Variants in TENM1 observed in about 807,000 individuals in gnomAD.
TENM1 encodes teneurin transmembrane protein 1.
Under a neutral mutation model 174.8 loss-of-function variants are expected in TENM1, and 35 were observed. The ratio of observed to expected loss-of-function variants is 0.20; its 90% confidence interval spans 0.15 to 0.27. The LOEUF (loss-of-function observed/expected upper bound fraction) is 0.27, where lower values mean the gene tolerates loss of function less well. Ranked by LOEUF, TENM1 falls within the 10% of genes least tolerant of loss-of-function variation. The pLI, the probability that TENM1 is intolerant of heterozygous loss-of-function variation, is 1.00. For missense variants in TENM1, 1,633 were observed against 2,130.1 expected (o/e 0.77, Z 4.59); for synonymous variants, 781 against 798.7 (o/e 0.98, Z 0.37).
chrX:124,504,658 G>A (rs190672740), intron 18 of TENM1, among the ~76,000 whole-genome samples: 90 of 111,483 alleles, frequency 8.1e-4, no homozygotes, highest in African/African-American at 2.9e-3. Flanking sequence ...AATAGCCCCT[G>A]TTGGTCTGTG....
chrX:125,193,768 T>C, the TENM1 span, among the ~76,000 whole-genome samples: 2 of 110,711 alleles, frequency 1.8e-5, no homozygotes, highest in Non-Finnish European at 3.8e-5. Flanking sequence ...TCTCTAATTC[T>C]AGACTTTATC....
the TENM1 span, among the ~76,000 whole-genome samples, chrX:125,063,268 G>A: frequency 3.3e-4 from 37 of 111,677 alleles, no homozygotes; most frequent in African/African-American, 1.0e-3. Context: ...AAGAAACTAC[G>A]TATGGACTTC....
intron 23 of TENM1, among the ~76,000 whole-genome samples, chrX:124,433,611 C>A (rs1232339613): frequency 2.7e-5 from 3 of 111,438 alleles, no homozygotes; most frequent in African/African-American, 6.5e-5. Flanking sequence ...ATTAAGCTGG[C>A]AAACGTTTGT....
chrX:125,160,461 C>T, the TENM1 span, among the ~76,000 whole-genome samples: 1 of 94,817 alleles, frequency 1.1e-5, no homozygotes, highest in Non-Finnish European at 2.0e-5. Flanking sequence ...AGGAGAATTG[C>T]TTGAACCCGG....
At chrX:124,776,413 G>A (rs2148630651) in intron 3 of TENM1, among the ~76,000 whole-genome samples, 1 of 112,104 alleles carries the variant, frequency 8.9e-6, no homozygotes, top group African/African-American at 3.2e-5. Flanking sequence ...ATAATTACAT[G>A]TAAATGAAGG....
chrX:124,741,524 C>A (rs1358625717), intron 3 of TENM1, among the ~76,000 whole-genome samples: 1 of 111,293 alleles, frequency 9.0e-6, no homozygotes, highest in Admixed American at 9.6e-5. Context: ...GAAACATAAT[C>A]AATGACGCAT....
chrX:124,978,681 A>T, the TENM1 span, among the ~76,000 whole-genome samples: 2 of 111,752 alleles, frequency 1.8e-5, no homozygotes, highest in South Asian at 7.5e-4. Context: ...TGGCTGGTCA[A>T]TGATTGCGCA....
Position 124,871,997 on chromosome X carries a change from A to C in TENM1, c.535+22299T>G, listed in dbSNP as rs769231416. On this transcript the variant is annotated intron_variant, in intron 3 of 31. Transcript: ENST00000422452. Reference sequence around the variant, plus strand: ...CAGTGAGCAGAGATCGTGCCACTGCACTCCAGCCTGGCGACAGAGCGAGAC... The same window carrying C: ...CAGTGAGCAGAGATCGTGCCACTGCCCTCCAGCCTGGCGACAGAGCGAGAC... Among the ~76,000 whole-genome samples, 143 of 100,941 alleles carry C rather than the reference A, an allele frequency of 1.4e-3. 1 individual carries two copies. Among genetic ancestry groups the C allele is most frequent in the African/African-American group, 4.9e-3 (131 of 26,495 alleles). The allele number at this position is 100,941 out of a possible 115,157, so 87.7% of individuals were successfully genotyped here. A position where few individuals can be genotyped will look rare whatever the true frequency, so the allele number is the denominator to read the frequency against.
chrX:124,655,014 T>C (rs2051404981), intron 6 of TENM1, among the ~76,000 whole-genome samples: 1 of 112,128 alleles, frequency 8.9e-6, no homozygotes, highest in African/African-American at 3.2e-5. Context: ...TCTCAAACTT[T>C]AATGCGTACA....
chrX:124,698,777 A>G (rs976873534), intron 5 of TENM1, among the ~76,000 whole-genome samples: 17 of 111,191 alleles, frequency 1.5e-4, no homozygotes, highest in Non-Finnish European at 3.2e-4. Flanking sequence ...TTCCCCAGGT[A>G]TTGCAATATA....
intron 28 of TENM1, among the ~76,000 whole-genome samples, chrX:124,386,748 G>T (rs6649212): frequency 0.44 from 48,089 of 108,328 alleles, 7,981 homozygotes; most frequent in African/African-American, 0.52. Flanking sequence ...AGGGTCTCAC[G>T]GTGTTGCCCA....
chrX:124,641,079 C>T (rs772091046), intron 11 of TENM1, among the ~76,000 whole-genome samples: 131 of 108,167 alleles, frequency 1.2e-3, no homozygotes, highest in Non-Finnish European at 1.9e-3. Context: ...GGTGGAAGTA[C>T]AATAGCATCT....
the TENM1 span, among the ~76,000 whole-genome samples, chrX:125,000,285 T>C: frequency 9.0e-6 from 1 of 111,586 alleles, no homozygotes; most frequent in East Asian, 2.8e-4. Context: ...TTCAGGATTA[T>C]GGTTTTAATA....
chrX:124,597,529 G>T (rs2049924633), intron 11 of TENM1, among the ~76,000 whole-genome samples: 1 of 110,743 alleles, frequency 9.0e-6, no homozygotes, highest in Admixed American at 9.7e-5. Flanking sequence ...GGGGAAGGGT[G>T]GGAGAGGGAT....
At chrX:124,387,884 ACCT>A (rs1475631070) in intron 28 of TENM1, among the ~76,000 whole-genome samples, 1 of 111,382 alleles carries the variant, frequency 9.0e-6, no homozygotes. Context: ...ACCTCTGAAA[ACCT>A]CCTGAACAAA....
chrX:124,856,261 G>A (rs1438944156), intron 3 of TENM1, among the ~76,000 whole-genome samples: 1 of 110,051 alleles, frequency 9.1e-6, no homozygotes, highest in Non-Finnish European at 1.9e-5. Flanking sequence ...TACTTCCTTG[G>A]GACTTGTCAT....
At chrX:125,192,967 T>G in the TENM1 span, among the ~76,000 whole-genome samples, 1 of 111,638 alleles carries the variant, frequency 9.0e-6, no homozygotes, top group Middle Eastern at 4.7e-3. Context: ...AAGGTTGAGG[T>G]TTTTTTCAGT....
At chrX:124,985,222 G>A in the TENM1 span, among the ~76,000 whole-genome samples, 1 of 112,190 alleles carries the variant, frequency 8.9e-6, no homozygotes, top group Non-Finnish European at 1.9e-5. Context: ...TTCAAAGAAA[G>A]ACTATAATCC....
At chrX:124,410,354 T>C (rs986774819) in intron 25 of TENM1, among the ~76,000 whole-genome samples, 5 of 112,102 alleles carry the variant, frequency 4.5e-5, no homozygotes, top group African/African-American at 1.6e-4. Flanking sequence ...CCTTACATCT[T>C]ACACAAAAAC....
Sources: allele counts gnomAD v4.1 joint callset (sites outside exome capture counted in the v4.1 genomes callset), GRCh38; gene constraint gnomAD v4.1.1; transcripts MANE v1.5; gene names NCBI Gene and HGNC (gene_info 2026-07-23, HGNC 2026-07-21).